Variants in ACAP2 observed in about 807,000 individuals in gnomAD.
The protein encoded by ACAP2 is arf-GAP with coiled-coil, ANK repeat and PH domain-containing protein 2.
ACAP2 carries 39 observed loss-of-function variants against 115.8 expected under a neutral mutation model. That is an observed-to-expected ratio of 0.34 (90% CI 0.26 to 0.44). ACAP2 has a LOEUF of 0.44. Ranked by LOEUF, ACAP2 falls within the 20% of genes least tolerant of loss-of-function variation. The pLI is 1.00. For synonymous variants in ACAP2, 289 were observed against 315.8 expected (o/e 0.92, Z 0.90); for missense variants, 662 against 927.6 (o/e 0.71, Z 3.72).
At chr3:195,400,522 C>A (rs925952727) in intron 1 of ACAP2, among the ~76,000 whole-genome samples, 4 of 149,180 alleles carry the variant, frequency 2.7e-5, no homozygotes, top group Non-Finnish European at 5.9e-5. Flanking sequence ...AAAAAAAAAA[C>A]CTCTTCTTTT....
intron 10 of ACAP2, among the ~76,000 whole-genome samples, chr3:195,314,655 T>G (rs2109010533): frequency 6.6e-6 from 1 of 152,292 alleles, no homozygotes; most frequent in East Asian, 1.9e-4. Flanking sequence ...TGTGGTACCC[T>G]ATGGTGACTA....
At chr3:195,315,015 A>G (rs1343699427) in intron 10 of ACAP2, among the ~76,000 whole-genome samples, 2 of 152,172 alleles carry the variant, frequency 1.3e-5, no homozygotes, top group East Asian at 3.8e-4. Context: ...CAAGGTTTGG[A>G]CTTTCACTGA....
At chr3:195,424,945 G>T (rs1368842247) in intron 1 of ACAP2, among the ~76,000 whole-genome samples, 6 of 88,370 alleles carry the variant, frequency 6.8e-5, no homozygotes, top group Non-Finnish European at 1.1e-4. Context: ...AAAAAAAAAA[G>T]GTTTTAAGAG....
In ACAP2 at chr3:195,287,525, C is replaced by T. The variant is rs181680550; in HGVS notation, c.2174+1596G>A. Among the ~76,000 whole-genome samples the T allele has an allele frequency of 4.3e-3, 653 of 152,132 alleles. 3 individuals carry two copies. Among genetic ancestry groups the T allele is most frequent in the African/African-American group, 0.015 (612 of 41,486 alleles). ...TAGAGACAGGGCCTCGCTATGTTGC[C>T]CAGGCTTTTCTCCAGCTTCTGGGCT... On this transcript the variant is annotated intron_variant, in intron 21 of 22. Transcript: ENST00000326793.
At chr3:195,431,451 T>TC in intron 1 of ACAP2, among the ~76,000 whole-genome samples, 1 of 151,970 alleles carries the variant, frequency 6.6e-6, no homozygotes, top group Non-Finnish European at 1.5e-5. Flanking sequence ...TTCTTTTTTT[T>TC]CCCCAAGACA....
intron 10 of ACAP2, among the ~76,000 whole-genome samples, chr3:195,312,442 C>G (rs1399347763): frequency 6.6e-6 from 1 of 152,038 alleles, no homozygotes; most frequent in Non-Finnish European, 1.5e-5. Context: ...GCTTATTTCC[C>G]TCTATATTTT....
chr3:195,415,710 T>C (rs567815821), intron 1 of ACAP2, among the ~76,000 whole-genome samples: 1 of 152,336 alleles, frequency 6.6e-6, no homozygotes, highest in African/African-American at 2.4e-5. Flanking sequence ...TATGACTTTA[T>C]TGCATACCAC....
At chr3:195,306,476 A>C (rs758358399) in intron 13 of ACAP2, 35 bp downstream of exon 13, 1 of 1,421,748 alleles carries the variant, frequency 7.0e-7, no homozygotes, top group South Asian at 1.4e-5. Flanking sequence ...AATTTTGGCA[A>C]TATATTATCT....
rs1245396911 is a variant in ACAP2 at position 195,342,499 on chromosome 3, C to G, written c.500G>C (p.Arg167Pro). The G allele has an allele frequency of 1.2e-6, 2 of 1,609,800 alleles. No individual in the cohort carries two copies. The highest frequency in any genetic ancestry group is 2.2e-5 in the South Asian group (2 of 89,776). The change falls in exon 6 of 23, where the codon CGA (arginine) becomes CCA (proline). Residue 167 changes from arginine to proline, a missense_variant. Transcript: ENST00000326793. ...AAGCACATAATCGAGGGCTATGTGTCGGAAACATTTTCTTGTTGCTGTCAG... is the reference window on the plus strand; with the variant it reads ...AAGCACATAATCGAGGGCTATGTGTGGGAAACATTTTCTTGTTGCTGTCAG... Reference protein sequence around the residue: ...NILTATRKCFRHIALDYVLQI... With the variant: ...NILTATRKCFPHIALDYVLQI...
intron 4 of ACAP2, among the ~76,000 whole-genome samples, chr3:195,348,017 GAAAGAAAAGAAGA>G (rs1389716306): frequency 6.9e-6 from 1 of 145,576 alleles, no homozygotes; most frequent in African/African-American, 2.6e-5. Flanking sequence ...ATCCTATCTC[GAAAGAAAAGAAGA>G]AAAGAAAAGA....
At chr3:195,435,582 C>A (rs1715473277) in intron 1 of ACAP2, among the ~76,000 whole-genome samples, 1 of 151,954 alleles carries the variant, frequency 6.6e-6, no homozygotes, top group Admixed American at 6.6e-5. Flanking sequence ...GAAAATATTT[C>A]TTCATTTTGC....
At chr3:195,393,009 A>C (rs1009905123) in intron 1 of ACAP2, among the ~76,000 whole-genome samples, 1 of 152,216 alleles carries the variant, frequency 6.6e-6, no homozygotes, top group African/African-American at 2.4e-5. Context: ...ATTTACACTG[A>C]GTAAGATATT....
At chr3:195,374,291 G>C (rs534818854) in intron 4 of ACAP2, among the ~76,000 whole-genome samples, 2 of 152,014 alleles carry the variant, frequency 1.3e-5, no homozygotes, top group South Asian at 4.1e-4. Flanking sequence ...TAGGGAGGCC[G>C]AGGCACAAGA....
At chr3:195,330,517 A>G (rs1362441996) in intron 8 of ACAP2, among the ~76,000 whole-genome samples, 1 of 152,230 alleles carries the variant, frequency 6.6e-6, no homozygotes, top group Non-Finnish European at 1.5e-5. Context: ...TACACTGAAC[A>G]TAAGATGAGA....
intron 1 of ACAP2, among the ~76,000 whole-genome samples, chr3:195,392,922 T>C (rs1333350385): frequency 1.3e-5 from 2 of 152,204 alleles, no homozygotes; most frequent in Non-Finnish European, 2.9e-5. Context: ...TTTTCATATA[T>C]CTACTTGATA....
At chr3:195,391,607 T>TA (rs1318799130) in intron 2 of ACAP2, among the ~76,000 whole-genome samples, 1 of 152,176 alleles carries the variant, frequency 6.6e-6, no homozygotes, top group African/African-American at 2.4e-5. Context: ...CTCTGGCACT[T>TA]AGATTAGACT....
At position 195,291,815 on chromosome 3, in the gene ACAP2, C is replaced by T; in HGVS notation, c.1954G>A (p.Gly652Ser). The T allele has an allele frequency of 6.9e-6, 11 of 1,602,584 alleles. No homozygotes were observed. Among genetic ancestry groups the T allele is most frequent in the Non-Finnish European group, 8.5e-6 (10 of 1,176,486 alleles). The change falls in exon 20 of 23, where the codon GGC becomes AGC. Residue 652 changes from glycine to serine, a missense_variant and splice_region_variant. By Grantham distance (56) the Gly-to-Ser change is moderately conservative (BLOSUM62 0). Transcript: ENST00000326793. ...AGGAACTCACACGTCACCAAAGAGC[C>T]CTTAAAGGAAAAAAGAGGATAACTA... Reference protein sequence around the residue: ...ATPLIQAVLGGSLVTCEFLLQ... With the variant: ...ATPLIQAVLGSSLVTCEFLLQ...
At chr3:195,358,606 T>G (rs1241689853) in intron 4 of ACAP2, among the ~76,000 whole-genome samples, 1 of 152,030 alleles carries the variant, frequency 6.6e-6, no homozygotes, top group Admixed American at 6.6e-5. Context: ...TATCAGAGTC[T>G]CTTAACAGCA....
intron 4 of ACAP2, among the ~76,000 whole-genome samples, chr3:195,345,864 G>C (rs1337503597): frequency 1.3e-5 from 2 of 152,132 alleles, no homozygotes; most frequent in African/African-American, 4.8e-5. Context: ...TATTCCTCCA[G>C]ATAGTATTTT....
Sources: allele counts gnomAD v4.1 joint callset (sites outside exome capture counted in the v4.1 genomes callset), GRCh38; gene constraint gnomAD v4.1.1; transcripts MANE v1.5; gene names NCBI Gene and HGNC (gene_info 2026-07-23, HGNC 2026-07-21).